Variants in DTNA observed in about 807,000 individuals in gnomAD.
DTNA encodes the protein dystrophin-related protein 3.
Under a neutral mutation model 100.7 loss-of-function variants are expected in DTNA, and 43 were observed. That is an observed-to-expected ratio of 0.43 (90% CI 0.33 to 0.55). The LOEUF is 0.55. Among genes scored for constraint, DTNA ranks in the 20% least tolerant of loss-of-function variants. The pLI is 0.04. For synonymous variants in DTNA, 349 were observed against 347.9 expected (o/e 1.00, Z -0.04); for missense variants, 798 against 953.9 (o/e 0.84, Z 2.15).
chr18:34,888,909 T>A lies in DTNA; in HGVS notation c.*1175T>A, dbSNP rs1188114640. The A allele has an allele frequency of 1.0e-6, 1 of 985,804 alleles. No homozygotes were observed. The highest frequency in any genetic ancestry group is 1.2e-6 in the Non-Finnish European group (1 of 829,972). 61.1% of individuals were successfully genotyped at this position (985,804 alleles called of 1,614,324 possible). A position where few individuals can be genotyped will look rare whatever the true frequency, so the allele number is the denominator to read the frequency against. ...TTAGCTGGCCACCTGGTGTTCTGCA[T>A]GTAGCCTTCTGTGGTCATGTGAAAG... On this transcript the variant is annotated 3_prime_UTR_variant, in exon 23 of 23. Transcript: ENST00000444659.
chr18:34,585,310 T>G (rs1160145575), intron 1 of DTNA, among the ~76,000 whole-genome samples: 1 of 152,130 alleles, frequency 6.6e-6, no homozygotes, highest in East Asian at 1.9e-4. Flanking sequence ...GAATGTTGCA[T>G]TTCTATTGGA....
At chr18:34,641,096 AATCT>A (rs1250042139) in intron 1 of DTNA, among the ~76,000 whole-genome samples, 3 of 152,140 alleles carry the variant, frequency 2.0e-5, no homozygotes, top group Non-Finnish European at 2.9e-5. Flanking sequence ...TTAAAATAAA[AATCT>A]ATCTAGAATA....
intron 20 of DTNA, among the ~76,000 whole-genome samples, 184 bp from the exon 21 acceptor site, chr18:34,881,885 A>G (rs1568896393): frequency 6.6e-6 from 1 of 152,176 alleles, no homozygotes; most frequent in African/African-American, 2.4e-5. Flanking sequence ...CCTTGATCAT[A>G]TATCGCTTCA....
At chr18:34,852,156 A>G (rs2149950024) in intron 15 of DTNA, among the ~76,000 whole-genome samples, 1 of 152,308 alleles carries the variant, frequency 6.6e-6, no homozygotes, top group South Asian at 2.1e-4. Context: ...CTGAGATATC[A>G]ATGCAATTAA....
intron 1 of DTNA, among the ~76,000 whole-genome samples, chr18:34,704,712 G>T (rs1216524618): frequency 1.3e-5 from 2 of 152,048 alleles, no homozygotes; most frequent in Non-Finnish European, 2.9e-5. Context: ...TAATTCAAAG[G>T]TACTGAATCA....
intron 1 of DTNA, among the ~76,000 whole-genome samples, chr18:34,685,301 G>C (rs1224015064): frequency 6.6e-6 from 1 of 152,094 alleles, no homozygotes; most frequent in Non-Finnish European, 1.5e-5. Flanking sequence ...AATCCATCTT[G>C]AGTTAATTTT....
At chr18:34,817,946 C>A in intron 7 of DTNA, 1 of 1,434,478 alleles carries the variant, frequency 7.0e-7, no homozygotes. Flanking sequence ...AAAAGGACAC[C>A]TCTTCTCCAT....
intron 1 of DTNA, among the ~76,000 whole-genome samples, chr18:34,542,122 G>A (rs2044303515): frequency 6.6e-6 from 1 of 151,914 alleles, no homozygotes; most frequent in South Asian, 2.1e-4. Context: ...GGGAGAGAGA[G>A]CTCACCAGGA....
chr18:34,527,545 C>T (rs2042743378), intron 1 of DTNA, among the ~76,000 whole-genome samples: 2 of 151,982 alleles, frequency 1.3e-5, no homozygotes, highest in African/African-American at 4.8e-5. Context: ...AGTGGCAAAA[C>T]AAATCTGTAT....
chr18:34,886,146 T>A (rs1302852294), intron 22 of DTNA, among the ~76,000 whole-genome samples: 1 of 152,184 alleles, frequency 6.6e-6, no homozygotes, highest in Non-Finnish European at 1.5e-5. Flanking sequence ...GGAATAAATA[T>A]CTGTTAAGTG....
chr18:34,548,496 C>T (rs2045044803), intron 1 of DTNA, among the ~76,000 whole-genome samples: 1 of 152,100 alleles, frequency 6.6e-6, no homozygotes, highest in Admixed American at 6.6e-5. Flanking sequence ...AGGCATTTTA[C>T]AATCGAAGCA....
intron 17 of DTNA, chr18:34,867,125 A>G (rs545775808): frequency 7.2e-4 from 890 of 1,231,372 alleles, no homozygotes; most frequent in Non-Finnish European, 8.6e-4. Flanking sequence ...CATTATTTCC[A>G]TGGATCAATT....
At chr18:34,726,385 A>G (rs2086697587) in intron 1 of DTNA, among the ~76,000 whole-genome samples, 1 of 152,148 alleles carries the variant, frequency 6.6e-6, no homozygotes, top group African/African-American at 2.4e-5. Context: ...TCCAAGTCTT[A>G]CCTCATTCCA....
At position 34,789,817 on chromosome 18, in the gene DTNA, T is replaced by C. The variant is rs569145141; in HGVS notation, c.149-4220T>C. On this transcript the variant is annotated intron_variant, in intron 3 of 22. Transcript: ENST00000444659. Reference sequence around the variant, plus strand: ...GCAGCATATTTATGTTTAATAACTTTCATATAATTTCTAGGTATTTGATTA... The same window carrying C: ...GCAGCATATTTATGTTTAATAACTTCCATATAATTTCTAGGTATTTGATTA... 2.8e-4 allele frequency among the ~76,000 whole-genome samples: 43 copies of C among 152,342 alleles called. No individual in the cohort carries two copies. The South Asian group carries it at 8.7e-3, about 31-fold the overall frequency.
At chr18:34,884,692 G>C (rs771193188) in intron 21 of DTNA, 36 bp from the exon 22 acceptor site, 1 of 1,613,496 alleles carries the variant, frequency 6.2e-7, no homozygotes, top group Non-Finnish European at 8.5e-7. Context: ...GACTTGACGT[G>C]TCACCTTTCT....
chr18:34,592,656 A>T (rs1221385092), intron 1 of DTNA, among the ~76,000 whole-genome samples: 1 of 152,064 alleles, frequency 6.6e-6, no homozygotes, highest in Non-Finnish European at 1.5e-5. Flanking sequence ...CTAACAGAAA[A>T]TGCACAGATT....
chr18:34,652,396 A>G (rs536593699), intron 1 of DTNA, among the ~76,000 whole-genome samples: 1 of 152,110 alleles, frequency 6.6e-6, no homozygotes, highest in East Asian at 1.9e-4. Flanking sequence ...GGCCCTATCC[A>G]CCCTTCCCAT....
At chr18:34,511,078 G>A (rs1043562724) in intron 1 of DTNA, among the ~76,000 whole-genome samples, 1 of 152,014 alleles carries the variant, frequency 6.6e-6, no homozygotes, top group Non-Finnish European at 1.5e-5. Flanking sequence ...GCCACATTAA[G>A]CTTATAGAGA....
At chr18:34,561,947 T>C (rs75876174) in intron 1 of DTNA, among the ~76,000 whole-genome samples, 2,204 of 152,280 alleles carry the variant, frequency 0.014, 54 homozygotes, top group African/African-American at 0.049. Flanking sequence ...TATTAGAGAA[T>C]ACATTTTAAT....
Sources: allele counts gnomAD v4.1 joint callset (sites outside exome capture counted in the v4.1 genomes callset), GRCh38; gene constraint gnomAD v4.1.1; transcripts MANE v1.5; gene names NCBI Gene and HGNC (gene_info 2026-07-23, HGNC 2026-07-21).